MDN1: variants seen among roughly 807,000 people sequenced by gnomAD.
MDN1 encodes the protein midasin AAA ATPase 1.
MDN1 carries 266 observed loss-of-function variants against 669.2 expected under a neutral mutation model. The observed-to-expected ratio is 0.40, with a 90% CI of 0.36 to 0.44. The LOEUF (loss-of-function observed/expected upper bound fraction) is 0.44. Ranked by LOEUF, MDN1 falls within the 20% of genes least tolerant of loss-of-function variation. MDN1 has a pLI of 1.00. For missense variants in MDN1, 5,940 were observed against 6,754.0 expected (o/e 0.88, Z 4.22); for synonymous variants, 2,385 against 2,457.1 (o/e 0.97, Z 0.87).
At chr6:89,659,210 C>CA (rs1809542350) in intron 88 of MDN1, among the ~76,000 whole-genome samples, 1 of 152,064 alleles carries the variant, frequency 6.6e-6, no homozygotes, top group Admixed American at 6.6e-5. Flanking sequence ...CCATCTTTTA[C>CA]AAAAAATAAA....
intron 33 of MDN1, among the ~76,000 whole-genome samples, chr6:89,736,574 C>T (rs544817180): frequency 7.9e-5 from 12 of 152,188 alleles, no homozygotes; most frequent in African/African-American, 2.2e-4. Context: ...GCGGGTCACT[C>T]GAGCCCAGGA....
chr6:89,745,712 G>C, intron 27 of MDN1, 86 bp from the exon 28 acceptor site: 7 of 1,306,378 alleles, frequency 5.4e-6, no homozygotes, highest in Non-Finnish European at 7.4e-6. Context: ...TGAAACAATA[G>C]AAACTCTCAT....
rs1477243366 is a variant in MDN1, at chr6:89,738,351, C to T, written c.4698G>A (p.Leu1566=). The part of the protein sequence containing the change: ...QIISHNLRPG[L]CLGRIDPKGS... The stretch of plus-strand genomic sequence containing the variant: ...CTTTAGGATCTATTCTGCCCAGACA[C>T]AATCCTGGACGAAGATTATGACTGA... The change falls in exon 33 of 102, where the codon TTG becomes TTA. Residue 1566 remains leucine, a synonymous_variant. Transcript: ENST00000369393. 1.9e-6 allele frequency: 3 copies of T among 1,613,932 alleles called. No homozygotes were observed. Among genetic ancestry groups the T allele is most frequent in the East Asian group, 4.5e-5 (2 of 44,872 alleles).
chr6:89,678,591 A>T lies in MDN1; in HGVS notation c.12412+8T>A. On this transcript the variant is annotated splice_region_variant and intron_variant, in intron 75 of 101. Transcript: ENST00000369393. ...TACATTTCATTGGGTTTCAAGTGAG[A>T]ACCTTACCAATTTTTGCAAGGTGTT... is the stretch of plus-strand genomic sequence containing the variant. 1 of 1,613,176 alleles carries T rather than the reference A, an allele frequency of 6.2e-7. No individual in the cohort carries two copies. The highest frequency in any genetic ancestry group is 8.5e-7 in the Non-Finnish European group (1 of 1,179,606).
At chr6:89,804,869 C>T (rs1481478739) in intron 1 of MDN1, among the ~76,000 whole-genome samples, 1 of 151,632 alleles carries the variant, frequency 6.6e-6, no homozygotes, top group African/African-American at 2.4e-5. Flanking sequence ...CCTGTCTCTA[C>T]TAAAAATACA....
intron 95 of MDN1, 51 bp downstream of exon 95, chr6:89,652,141 C>CA (rs750373033): frequency 6.9e-4 from 1,011 of 1,460,266 alleles, no homozygotes; most frequent in Middle Eastern, 1.1e-3. Flanking sequence ...GTTGAACAAA[C>CA]AAAAAAAAAG....
Position 89,725,327 on chromosome 6 carries a change from C to T in MDN1, c.5542G>A (p.Val1848Met), listed in dbSNP as rs768802331. Reference sequence around the variant, plus strand: ...TGAAAGCTCATTCCTAACTCAGGCACATAGATTTCTCCTCGGTGGTCAAAA... The same window carrying T: ...TGAAAGCTCATTCCTAACTCAGGCATATAGATTTCTCCTCGGTGGTCAAAA... Reference protein sequence around the residue: ...ACFDHRGEIYVPELGMSFQVQ... With the variant: ...ACFDHRGEIYMPELGMSFQVQ... The change falls in exon 38 of 102, where the codon GTG (valine) becomes ATG (methionine). Residue 1848 changes from valine (V) to methionine (M), a missense_variant. Coordinates refer to ENST00000369393, the MANE Select transcript of MDN1 (RefSeq NM_014611.3). 3.1e-6 allele frequency: 5 copies of T among 1,613,994 alleles called. No individual in the cohort carries two copies. Among genetic ancestry groups the T allele is most frequent in the South Asian group, 2.2e-5 (2 of 91,062 alleles).
intron 59 of MDN1, among the ~76,000 whole-genome samples, chr6:89,697,324 T>C (rs868736184): frequency 6.6e-6 from 1 of 152,028 alleles, no homozygotes. Context: ...AATAAAAATA[T>C]AGGAGAAAAT....
intron 96 of MDN1, 140 bp from the exon 97 acceptor site, chr6:89,650,338 T>C: frequency 7.5e-6 from 6 of 795,980 alleles, no homozygotes; most frequent in South Asian, 3.8e-5. Context: ...TTTCTGTCAA[T>C]TGACGACTAA....
At chr6:89,801,261 C>A (rs532233635) in intron 2 of MDN1, among the ~76,000 whole-genome samples, 1 of 151,932 alleles carries the variant, frequency 6.6e-6, no homozygotes, top group Admixed American at 6.6e-5. Flanking sequence ...GCCAGGCTCA[C>A]GCCTGTAATC....
rs547351614 is a variant in MDN1 at position 89,738,530 on chromosome 6, G to A, written c.4594-75C>T. 3.5e-4 allele frequency: 537 copies of A among 1,520,102 alleles called. 1 individual carries two copies. Among genetic ancestry groups the A allele is most frequent in the Non-Finnish European group, 4.7e-4 (520 of 1,105,004 alleles). The allele number at this position is 1,520,102 out of a possible 1,614,324, so 94.2% of individuals were successfully genotyped here. A position where few individuals can be genotyped will look rare whatever the true frequency, so the allele number is the denominator to read the frequency against. On this transcript the variant is annotated intron_variant, in intron 32 of 101. Transcript: ENST00000369393. ...GCTGGAAAACAAGTCTTGAAAGAAT[G>A]TTGTTAGCTGTTAAGTCCAGCAAAT...
intron 45 of MDN1, 124 bp from the exon 46 acceptor site, chr6:89,714,875 G>A (rs1192748591): frequency 1.3e-6 from 1 of 760,936 alleles, no homozygotes; most frequent in Non-Finnish European, 2.1e-6. Context: ...TCACACCAAG[G>A]ATCTTTTACT....
chr6:89,715,710 C>T lies in MDN1; in HGVS notation c.6803G>A (p.Ser2268Asn). The T allele has an allele frequency of 6.2e-7, 1 of 1,613,954 alleles. No individual in the cohort carries two copies. Among genetic ancestry groups the T allele is most frequent in the Non-Finnish European group, 8.5e-7 (1 of 1,179,806 alleles). ...GGATCCATCTATCATTCCTCTCTCA[C>T]TAATAGTGAGGACACCTCCGGGTTC... ...LLEPGGVLTI[S>N]ERGMIDGSTP... is the part of the protein sequence containing the mutation. The change falls in exon 45 of 102, where the codon AGT (serine) becomes AAT (asparagine). Residue 2268 changes from serine (S) to asparagine (N), a missense_variant. Around this residue, in one of 5 missense-constraint regions of MDN1, gnomAD observed 2,292 missense variants for 2,638.3 expected, o/e 0.87. Coordinates refer to ENST00000369393, the MANE Select transcript of MDN1 (RefSeq NM_014611.3).
At position 89,786,251 on chromosome 6, in the gene MDN1, C is replaced by T. The variant is rs534241757; in HGVS notation, c.1335-1125G>A. ...CCAGCTTGGATGACAGAGTGAGACT[C>T]GGTCTCAAAAAAAATTAATTAAATA... On this transcript the variant is annotated intron_variant, in intron 8 of 101. Transcript: ENST00000369393. Among the ~76,000 whole-genome samples, 7 of 151,810 alleles carry T rather than the reference C, an allele frequency of 4.6e-5. No homozygotes were observed. The South Asian group carries it at 6.2e-4, about 14-fold the overall frequency.
chr6:89,742,124 G>C (rs1440062595), intron 31 of MDN1, among the ~76,000 whole-genome samples: 1 of 150,004 alleles, frequency 6.7e-6, no homozygotes, highest in African/African-American at 2.5e-5. Flanking sequence ...AAAAACCCTA[G>C]CCTCCAGGAC....
intron 37 of MDN1, among the ~76,000 whole-genome samples, chr6:89,727,329 C>T (rs183401789): frequency 2.6e-5 from 4 of 152,274 alleles, no homozygotes; most frequent in Admixed American, 2.0e-4. Context: ...CAAACTGACC[C>T]AGCTCCATAT....
In MDN1 at chr6:89,710,751, C is replaced by T; in HGVS notation, c.7695G>A (p.Arg2565=). The change falls in exon 50 of 102, where the codon AGG becomes AGA. Residue 2565 remains arginine (R), a synonymous_variant. Transcript: ENST00000369393. ...CTGAGAGGGAATGTGAGTAAAAATT[C>T]CTGAGAGATGCAGCACTGGCTTCCA... The part of the protein sequence containing the change: ...IHLEASAASL[R]NFYSHSLSGA... 1 of 1,601,732 alleles carries T rather than the reference C, an allele frequency of 6.2e-7. No homozygotes were observed. Among genetic ancestry groups the T allele is most frequent in the Non-Finnish European group, 8.5e-7 (1 of 1,175,490 alleles).
chr6:89,785,372 T>A (rs745405947), intron 8 of MDN1, among the ~76,000 whole-genome samples: 3 of 152,226 alleles, frequency 2.0e-5, no homozygotes, highest in African/African-American at 4.8e-5. Context: ...TTCAAATCAC[T>A]GCAAATAATT....
intron 22 of MDN1, 59 bp downstream of exon 22, chr6:89,753,453 G>A (rs962833812): frequency 5.9e-5 from 76 of 1,292,356 alleles, no homozygotes; most frequent in Middle Eastern, 3.8e-4. Context: ...CCAAACAGCT[G>A]AAAATTTGGT....
Sources: gnomAD v4.1 joint callset for allele counts (sites outside exome capture counted in the v4.1 genomes callset) on GRCh38, gnomAD v4.1.1 for gene constraint, gnomAD v4.1.1 regional missense constraint, MANE v1.5 for transcripts, NCBI Gene and HGNC (gene_info 2026-07-23, HGNC 2026-07-21) for gene names.